The following HP1BP3 variants were observed in gnomAD, a reference collection of about 807,000 sequenced individuals.
The protein encoded by HP1BP3 is heterochromatin protein 1 binding protein 3.
Under a neutral mutation model 62.5 loss-of-function variants are expected in HP1BP3, and 12 were observed. That is an observed-to-expected ratio of 0.19 (90% CI 0.12 to 0.31). The LOEUF is 0.31. Ranked by LOEUF, HP1BP3 falls within the 10% of genes least tolerant of loss-of-function variation. The probability of loss-of-function intolerance (pLI) is 1.00; values close to 1 mark genes in which losing one functional copy is unlikely to be tolerated. For synonymous variants in HP1BP3, 260 were observed against 237.8 expected, an observed-to-expected ratio of 1.09 and a Z score of -0.86; for missense variants, 502 against 651.8, an observed-to-expected ratio of 0.77 and a Z score of 2.50.
chr1:20,744,722 A>G lies in HP1BP3; in HGVS notation c.*75T>C. ...AATAATGTAATTTGAAAAGCATCAA[A>G]ACTAAACAAATGCACACTGACCTTA... On this transcript the variant is annotated 3_prime_UTR_variant, in exon 13 of 13. Coordinates refer to ENST00000438032, the MANE Select transcript of HP1BP3 (RefSeq NM_001372052.1). 7.5e-7 allele frequency: 1 copy of G among 1,342,030 alleles called. No homozygotes were observed. The highest frequency in any genetic ancestry group is 1.0e-6 in the Non-Finnish European group (1 of 980,822). The allele number at this position is 1,342,030 out of a possible 1,614,324, so 83.1% of individuals were successfully genotyped here.
chr1:20,766,966 C>A (rs531358864), intron 7 of HP1BP3, among the ~76,000 whole-genome samples: 71 of 151,954 alleles, frequency 4.7e-4, no homozygotes, highest in Non-Finnish European at 7.2e-4. Flanking sequence ...AACAAACAAA[C>A]AAACAAAAAA....
At chr1:20,766,268 GCAA>G (rs1235824381) in intron 7 of HP1BP3, among the ~76,000 whole-genome samples, 1 of 152,130 alleles carries the variant, frequency 6.6e-6, no homozygotes, top group Non-Finnish European at 1.5e-5. Flanking sequence ...TCCAGCCTGA[GCAA>G]CAAGAGCGAA....
intron 9 of HP1BP3, among the ~76,000 whole-genome samples, chr1:20,754,322 C>T (rs1276084193): frequency 1.3e-5 from 2 of 152,104 alleles, no homozygotes; most frequent in African/African-American, 2.4e-5. Flanking sequence ...ACTCGTACAC[C>T]GAACAACTAC....
At chr1:20,764,875 C>CAA (rs1219583949) in intron 8 of HP1BP3, among the ~76,000 whole-genome samples, 3 of 133,104 alleles carry the variant, frequency 2.3e-5, no homozygotes, top group African/African-American at 8.3e-5. Flanking sequence ...GACTTCATCT[C>CAA]AAAAAAAAAA....
At position 20,749,763 on chromosome 1, in the gene HP1BP3, ATAC is replaced by A; in HGVS notation, c.1098_1100del (p.Lys366_Tyr367delinsAsn). The A allele has an allele frequency of 6.2e-7, 1 of 1,613,854 alleles. No homozygotes were observed. Among genetic ancestry groups the A allele is most frequent in the Non-Finnish European group, 8.5e-7 (1 of 1,179,768 alleles). ...TGGTTCCTGGGTGATTCTCTAGGAC[ATAC>A]TTCTTCAGAGCAGTGGTAGAGCAGG... On this transcript the variant is annotated inframe_deletion, in exon 10 of 13. Transcript: ENST00000438032.
chr1:20,776,381 T>C (rs908170910), intron 4 of HP1BP3: 38 of 469,326 alleles, frequency 8.1e-5, no homozygotes, highest in Non-Finnish European at 1.2e-4. Context: ...ACAAAGACTT[T>C]TGGATTATTC....
At chr1:20,749,977 T>C (rs2055606319) in intron 9 of HP1BP3, 95 bp from the exon 10 acceptor site, 2 of 1,523,002 alleles carry the variant, frequency 1.3e-6, no homozygotes, top group Non-Finnish European at 8.8e-7. Context: ...TCGGAGTTCC[T>C]GCATTAGCAC....
chr1:20,780,116 T>C (rs190078510), intron 2 of HP1BP3, among the ~76,000 whole-genome samples: 2 of 152,346 alleles, frequency 1.3e-5, no homozygotes, highest in Admixed American at 1.3e-4. Context: ...TTAGCTTGAA[T>C]TTCAAATGGA....
In HP1BP3 at chr1:20,779,916, G is replaced by C; in HGVS notation, c.97-5C>G. 4 of 1,604,802 alleles carry C rather than the reference G, an allele frequency of 2.5e-6. No homozygotes were observed. Among genetic ancestry groups the C allele is most frequent in the Non-Finnish European group, 3.4e-6 (4 of 1,174,544 alleles). On this transcript the variant is annotated splice_region_variant and splice_polypyrimidine_tract_variant and intron_variant, in intron 2 of 12. Coordinates refer to ENST00000438032, the MANE Select transcript of HP1BP3 (RefSeq NM_001372052.1). ...CATGGTGCTATCTTCTACCTTCTAA[G>C]AAAAGAGATGGCCATAATCAAACAT... is the stretch of plus-strand genomic sequence containing the variant.
chr1:20,753,962 T>C (rs2055935193), intron 9 of HP1BP3, among the ~76,000 whole-genome samples: 1 of 152,242 alleles, frequency 6.6e-6, no homozygotes, highest in Admixed American at 6.5e-5. Context: ...AAGGCGAAGA[T>C]GTCTGCTGTT....
chr1:20,744,866 T>C lies in HP1BP3; in HGVS notation c.1593A>G (p.Ala531=), dbSNP rs16824580. ...TGCCCGGCAATTTTACTTCCTTTCT[T>C]GCACTGGTTGCAGGCTTCTTTGAGG... ...GGSSKKPATS[A]RKEVKLPGKG... is the part of the protein sequence containing the mutation. Residue 531 remains alanine, a synonymous_variant, in exon 13 of 13, where the codon GCA becomes GCG. Coordinates refer to ENST00000438032, the MANE Select transcript of HP1BP3 (RefSeq NM_001372052.1). 1,915 of 1,614,190 alleles carry C rather than the reference T, an allele frequency of 1.2e-3. 25 individuals carry two copies. In the African/African-American group the frequency reaches 0.023, roughly 20 times the overall value.
At chr1:20,755,233 A>G (rs545174072) in intron 9 of HP1BP3, 2 of 309,810 alleles carry the variant, frequency 6.5e-6, no homozygotes, top group African/African-American at 4.3e-5. Context: ...TAGTATGGCT[A>G]TAATAAAAAA....
chr1:20,765,609 T>G, intron 7 of HP1BP3, 78 bp from the exon 8 acceptor site: 7 of 1,148,714 alleles, frequency 6.1e-6, no homozygotes, highest in Non-Finnish European at 7.4e-6. Flanking sequence ...CTTTCCTCAG[T>G]TGATTACCAA....
At chr1:20,748,128 G>C (rs919827680) in intron 10 of HP1BP3, among the ~76,000 whole-genome samples, 1 of 150,594 alleles carries the variant, frequency 6.6e-6, no homozygotes, top group East Asian at 1.9e-4. Context: ...GTAGTTAAGT[G>C]ACTTGCTCTA....
At chr1:20,770,424 T>C (rs968032699) in intron 6 of HP1BP3, among the ~76,000 whole-genome samples, 2 of 152,200 alleles carry the variant, frequency 1.3e-5, no homozygotes, top group African/African-American at 2.4e-5. Flanking sequence ...CAAGCGGTCC[T>C]CCTGCCTCTG....
chr1:20,759,545 C>T (rs531683064), intron 8 of HP1BP3, among the ~76,000 whole-genome samples: 1 of 152,314 alleles, frequency 6.6e-6, no homozygotes, highest in African/African-American at 2.4e-5. Context: ...GAGAAGAAGG[C>T]ACTCTGACAC....
intron 4 of HP1BP3, chr1:20,775,360 A>C (rs893711348): frequency 1.3e-5 from 2 of 152,202 alleles, no homozygotes; most frequent in African/African-American, 4.8e-5. Context: ...AACGTTGCCC[A>C]ATCTAGATTC....
intron 3 of HP1BP3, among the ~76,000 whole-genome samples, chr1:20,779,196 G>C (rs1000979520): frequency 6.6e-6 from 1 of 151,142 alleles, no homozygotes; most frequent in Non-Finnish European, 1.5e-5. Context: ...AGGCAAGAGA[G>C]AAAGGAAAAA....
chr1:20,750,063 G>A, intron 9 of HP1BP3, 181 bp from the exon 10 acceptor site: 1 of 1,224,052 alleles, frequency 8.2e-7, no homozygotes, highest in Non-Finnish European at 1.1e-6. Flanking sequence ...TAACTGAGAA[G>A]TCCCAACCCT....
Sources: allele counts gnomAD v4.1 joint callset (sites outside exome capture counted in the v4.1 genomes callset), GRCh38; gene constraint gnomAD v4.1.1; transcripts MANE v1.5; gene names NCBI Gene and HGNC (gene_info 2026-07-23, HGNC 2026-07-21).